Variants in BAZ1A observed in about 807,000 individuals in gnomAD.
The protein encoded by BAZ1A is bromodomain adjacent to zinc finger domain 1A.
Under a neutral mutation model 185.2 loss-of-function variants are expected in BAZ1A, and 50 were observed. The ratio of observed to expected loss-of-function variants is 0.27; its 90% CI spans 0.22 to 0.34. The LOEUF is 0.34. BAZ1A is among the 10% of genes least tolerant of loss of function. The probability of loss-of-function intolerance (pLI) is 1.00; values close to 1 mark genes in which losing one functional copy is unlikely to be tolerated. For missense variants in BAZ1A, 1,356 were observed against 1,839.9 expected (o/e 0.74, Z 4.81); for synonymous variants, 571 against 615.6 (o/e 0.93, Z 1.07).
At chr14:34,840,233 C>T (rs980810999) in intron 3 of BAZ1A, among the ~76,000 whole-genome samples, 5 of 152,004 alleles carry the variant, frequency 3.3e-5, no homozygotes, top group Non-Finnish European at 5.9e-5. Context: ...TTGTGTAATG[C>T]AAAAAATATG....
At position 34,799,858 on chromosome 14, in the gene BAZ1A, C is replaced by T. The variant is rs34513460; in HGVS notation, c.1128+366G>A. ...AACTCCTGACCTCATGATCTGCCTG[C>T]CTTGGCCTCCCAAAGTGCTGGGATT... On this transcript the variant is annotated intron_variant, in intron 9 of 26. Coordinates refer to ENST00000360310, the MANE Select transcript of BAZ1A (RefSeq NM_013448.3). Among the ~76,000 whole-genome samples the T allele has an allele frequency of 5.6e-3, 852 of 152,286 alleles. 12 individuals are homozygous for T. Among genetic ancestry groups the T allele is most frequent in the Non-Finnish European group, 5.9e-3 (400 of 68,028 alleles).
At chr14:34,844,991 C>G (rs567254096) in intron 3 of BAZ1A, among the ~76,000 whole-genome samples, 1 of 152,018 alleles carries the variant, frequency 6.6e-6, no homozygotes, top group Non-Finnish European at 1.5e-5. Context: ...ATTCATTTAT[C>G]TATTATATAT....
chr14:34,825,196 G>A (rs1054351769), intron 4 of BAZ1A, among the ~76,000 whole-genome samples: 3 of 152,202 alleles, frequency 2.0e-5, no homozygotes, highest in African/African-American at 7.2e-5. Context: ...GCTCACGCCT[G>A]TAATCCCAAC....
At chr14:34,790,772 A>G (rs1427346060) in intron 12 of BAZ1A, among the ~76,000 whole-genome samples, 1 of 152,220 alleles carries the variant, frequency 6.6e-6, no homozygotes, top group African/African-American at 2.4e-5. Flanking sequence ...TACATCTTAT[A>G]TTAATACATA....
Position 34,802,897 on chromosome 14 carries a change from T to C in BAZ1A, c.818A>G (p.Asn273Ser), listed in dbSNP as rs1394680902. Residue 273 changes from asparagine (N) to serine (S), a missense_variant, in exon 7 of 27, where the codon AAC becomes AGC. Coordinates refer to ENST00000360310, the MANE Select transcript of BAZ1A (RefSeq NM_013448.3). Reference sequence around the variant, plus strand: ...TTTGGGAGGTCTCCCTCTTCGTCTGTTAGCAGGACTGAAGATAAATGTGGG... The same window carrying C: ...TTTGGGAGGTCTCCCTCTTCGTCTGCTAGCAGGACTGAAGATAAATGTGGG... ...DPPTFIFSPA[N>S]RRRGRPPKRI... 6.2e-7 allele frequency: 1 copy of C among 1,613,580 alleles called. No individual in the cohort carries two copies. The highest frequency in any genetic ancestry group is 8.5e-7 in the Non-Finnish European group (1 of 1,179,624).
chr14:34,759,171 GTTTTTTTTTTTT>G lies in BAZ1A; in HGVS notation c.4244-337_4244-326del, dbSNP rs780287749. 3.5e-4 allele frequency among the ~76,000 whole-genome samples: 23 copies of G among 66,476 alleles called. No homozygotes were observed. In the South Asian group the frequency reaches 3.8e-3, roughly 11 times the overall value. The allele number at this position is 66,476 out of a possible 152,430, so 43.6% of individuals were successfully genotyped here. A position where few individuals can be genotyped will look rare whatever the true frequency, so the allele number is the denominator to read the frequency against. On this transcript the variant is annotated intron_variant, in intron 24 of 26. Transcript: ENST00000360310. The stretch of plus-strand genomic sequence containing the variant: ...TTATTAAAAATACTTTACAGCTACA[GTTTTTTTTTTTT>G]TTTTTTTTTTTTTTTGAGATGGAGT...
At chr14:34,826,827 T>G (rs2042171153) in intron 3 of BAZ1A, among the ~76,000 whole-genome samples, 1 of 152,198 alleles carries the variant, frequency 6.6e-6, no homozygotes, top group South Asian at 2.1e-4. Flanking sequence ...TTAGGGTGTT[T>G]CCACAGAAGA....
At chr14:34,854,517 GA>G (rs766158791) in intron 3 of BAZ1A, among the ~76,000 whole-genome samples, 1 of 151,206 alleles carries the variant, frequency 6.6e-6, no homozygotes, top group African/African-American at 2.4e-5. Context: ...AAAGTCAATA[GA>G]AAAAAAAATT....
At chr14:34,858,378 C>CT (rs1291824925) in intron 3 of BAZ1A, among the ~76,000 whole-genome samples, 3 of 152,116 alleles carry the variant, frequency 2.0e-5, no homozygotes, top group Non-Finnish European at 4.4e-5. Flanking sequence ...CCTCAGCCTC[C>CT]TGAGTAACTG....
chr14:34,809,924 T>C (rs2041906680), intron 5 of BAZ1A, among the ~76,000 whole-genome samples: 1 of 152,158 alleles, frequency 6.6e-6, no homozygotes, highest in Non-Finnish European at 1.5e-5. Context: ...GTTTGAATAA[T>C]CAAACATTAG....
intron 21 of BAZ1A, among the ~76,000 whole-genome samples, chr14:34,767,647 A>G (rs1453400814): frequency 6.6e-6 from 1 of 152,190 alleles, no homozygotes; most frequent in East Asian, 1.9e-4. Context: ...TGGTTTTTAA[A>G]ATATAAGCCT....
At chr14:34,835,325 T>G (rs1487942163) in intron 3 of BAZ1A, among the ~76,000 whole-genome samples, 1 of 151,876 alleles carries the variant, frequency 6.6e-6, no homozygotes, top group Non-Finnish European at 1.5e-5. Context: ...CTTCCCAAAG[T>G]GCTAGGATTA....
intron 3 of BAZ1A, among the ~76,000 whole-genome samples, chr14:34,832,273 G>C (rs2042260924): frequency 7.0e-6 from 1 of 143,178 alleles, no homozygotes; most frequent in Non-Finnish European, 1.5e-5. Context: ...CCCAAGAACA[G>C]ATGGCTTCAC....
At chr14:34,791,036 C>T (rs796306084) in intron 12 of BAZ1A, among the ~76,000 whole-genome samples, 109 of 152,146 alleles carry the variant, frequency 7.2e-4, no homozygotes, top group African/African-American at 2.4e-3. Context: ...ACAGGAGAAT[C>T]GCTTGAACCC....
At chr14:34,825,753 T>C (rs1594879102) in intron 4 of BAZ1A, among the ~76,000 whole-genome samples, 2 of 151,934 alleles carry the variant, frequency 1.3e-5, no homozygotes, top group African/African-American at 4.8e-5. Context: ...GCCTGGCCAA[T>C]ATGGTGAAAC....
chr14:34,787,375 A>AAAAAGAAAAGG (rs1880545673), intron 12 of BAZ1A, among the ~76,000 whole-genome samples: 1 of 138,482 alleles, frequency 7.2e-6, no homozygotes, highest in Non-Finnish European at 1.6e-5. Flanking sequence ...AAAAGAAAAG[A>AAAAAGAAAAGG]AAACTTCCCA....
At chr14:34,839,452 T>C (rs2042378257) in intron 3 of BAZ1A, among the ~76,000 whole-genome samples, 1 of 148,310 alleles carries the variant, frequency 6.7e-6, no homozygotes, top group Non-Finnish European at 1.5e-5. Context: ...GGCGAGAGGA[T>C]GGCTTTAGCC....
At chr14:34,860,073 A>G (rs1012465591) in intron 3 of BAZ1A, among the ~76,000 whole-genome samples, 2 of 152,238 alleles carry the variant, frequency 1.3e-5, no homozygotes, top group Non-Finnish European at 2.9e-5. Context: ...ATTTCAGATT[A>G]ACCCAATTCT....
chr14:34,777,940 G>A (rs186040985), intron 17 of BAZ1A, among the ~76,000 whole-genome samples: 166 of 152,216 alleles, frequency 1.1e-3, no homozygotes, highest in African/African-American at 3.6e-3. Context: ...GCAGTGAGCC[G>A]AGATGGCGCC....
Sources: allele counts gnomAD v4.1 joint callset (sites outside exome capture counted in the v4.1 genomes callset), GRCh38; gene constraint gnomAD v4.1.1; transcripts MANE v1.5; gene names NCBI Gene and HGNC (gene_info 2026-07-23, HGNC 2026-07-21).